ARID1A: variants seen among roughly 807,000 people sequenced by gnomAD.
ARID1A encodes AT-rich interaction domain 1A, also known as AT-rich interactive domain-containing protein 1A.
ARID1A carries 20 observed loss-of-function variants against 212.6 expected under a neutral mutation model. That is an observed-to-expected ratio of 0.09 (90% confidence interval 0.07 to 0.14). The LOEUF (loss-of-function observed/expected upper bound fraction) is 0.14. ARID1A is among the 10% of genes least tolerant of loss of function. The pLI is 1.00. For synonymous variants in ARID1A, 1,376 were observed against 1,222.1 expected (o/e 1.13, Z -2.63); for missense variants, 2,587 against 3,059.0 (o/e 0.85, Z 3.64).
intron 1 of ARID1A, among the ~76,000 whole-genome samples, chr1:26,705,072 G>A (rs566653856): frequency 4.2e-4 from 64 of 152,168 alleles, no homozygotes; most frequent in Middle Eastern, 3.4e-3. Flanking sequence ...CATGTCCAGT[G>A]CCAGGCCACT....
intron 1 of ARID1A, among the ~76,000 whole-genome samples, chr1:26,725,318 A>G (rs1026507749): frequency 9.2e-5 from 14 of 152,122 alleles, no homozygotes; most frequent in Non-Finnish European, 1.8e-4. Context: ...TGATTAGTGA[A>G]TATTTAAGGC....
intron 1 of ARID1A, among the ~76,000 whole-genome samples, chr1:26,710,549 G>T (rs949107167): frequency 7.4e-6 from 1 of 135,070 alleles, no homozygotes; most frequent in Admixed American, 7.4e-5. Context: ...TCCAGCTTGA[G>T]AAGTGGATTA....
intron 18 of ARID1A, 72 bp downstream of exon 18, chr1:26,775,292 C>T (rs1459996081): frequency 1.4e-5 from 21 of 1,504,482 alleles, no homozygotes; most frequent in Non-Finnish European, 1.8e-5. Flanking sequence ...CTCCACCTTA[C>T]TATTCTGGAT....
chr1:26,710,163 C>T (rs1198894737), intron 1 of ARID1A, among the ~76,000 whole-genome samples: 4 of 142,650 alleles, frequency 2.8e-5, no homozygotes, highest in African/African-American at 7.6e-5. Context: ...AGGCCGGGTG[C>T]GGTGGCTCAT....
intron 1 of ARID1A, among the ~76,000 whole-genome samples, chr1:26,710,942 C>G (rs1447977106): frequency 1.3e-5 from 2 of 152,160 alleles, no homozygotes; most frequent in Non-Finnish European, 1.5e-5. Flanking sequence ...GTGGCTTAAA[C>G]AACAAACATT....
chr1:26,780,222 C>T lies in ARID1A; in HGVS notation c.6324C>T (p.Pro2108=), dbSNP rs1172081916. ...EAQDPFSTLG[P]NAVLSPQRLV... Reference sequence around the variant, plus strand: ...AGGACCCCTTTTCCACCCTGGGCCCCAATGCCGTCCTTTCCCCGCAGAGAC... The same window carrying T: ...AGGACCCCTTTTCCACCCTGGGCCCTAATGCCGTCCTTTCCCCGCAGAGAC... The change falls in exon 20 of 20, where the codon CCC becomes CCT. Residue 2108 remains proline, a synonymous_variant. Transcript: ENST00000324856. This position sits in a 1 kb window ranked among gnomAD's most constrained non-coding sequence, Gnocchi z 7.2. The T allele has an allele frequency of 1.9e-6, 3 of 1,614,074 alleles. No individual in the cohort carries two copies. The highest frequency in any genetic ancestry group is 2.5e-6 in the Non-Finnish European group (3 of 1,180,038).
At chr1:26,720,219 C>G (rs868257575) in intron 1 of ARID1A, among the ~76,000 whole-genome samples, 30 of 150,386 alleles carry the variant, frequency 2.0e-4, no homozygotes, top group African/African-American at 6.4e-4. Flanking sequence ...CACTGCACTC[C>G]AGCCTGGTGA....
chr1:26,775,808 C>G (rs751666572), intron 19 of ARID1A, 101 bp downstream of exon 19: 2 of 1,547,212 alleles, frequency 1.3e-6, no homozygotes, highest in African/African-American at 2.7e-5. Flanking sequence ...TTCTCTTTCT[C>G]TCTTGTAGAT....
intron 1 of ARID1A, among the ~76,000 whole-genome samples, chr1:26,724,252 C>A (rs1382558053): frequency 6.6e-6 from 1 of 152,108 alleles, no homozygotes; most frequent in East Asian, 1.9e-4. Context: ...GTCAAGACTT[C>A]TCCTCTCTGA....
At chr1:26,708,003 G>T (rs1455505202) in intron 1 of ARID1A, among the ~76,000 whole-genome samples, 1 of 152,098 alleles carries the variant, frequency 6.6e-6, no homozygotes, top group Non-Finnish European at 1.5e-5. Flanking sequence ...CTCTTAAATG[G>T]GGTGAAAGAC....
In ARID1A at chr1:26,779,526, A is replaced by G. The variant is rs138605055; in HGVS notation, c.5628A>G (p.Pro1876=). 40 of 1,614,118 alleles carry G rather than the reference A, an allele frequency of 2.5e-5. No individual in the cohort carries two copies. Among genetic ancestry groups the G allele is most frequent in the Middle Eastern group, 3.3e-4 (2 of 6,062 alleles). ...LPSRPHAPCP[P]APRKHVTTAE... is the part of the protein sequence containing the mutation. ...CCCGGCCTCACGCACCCTGCCCACC[A>G]GCCCCTCGGAAGCATGTGACAACAG... The change falls in exon 20 of 20, where the codon CCA becomes CCG. Residue 1876 remains proline (P), a synonymous_variant. Transcript: ENST00000324856.
chr1:26,756,859 C>T (rs1347245232), intron 4 of ARID1A, among the ~76,000 whole-genome samples: 2 of 151,800 alleles, frequency 1.3e-5, no homozygotes, highest in Non-Finnish European at 2.9e-5. Flanking sequence ...CCCGTCACCA[C>T]GTCTGGCTAA....
chr1:26,714,382 A>G (rs1435357052), intron 1 of ARID1A, among the ~76,000 whole-genome samples: 1 of 151,886 alleles, frequency 6.6e-6, no homozygotes, highest in Non-Finnish European at 1.5e-5. Context: ...GAGGATTTGG[A>G]TGCATCTATA....
intron 4 of ARID1A, among the ~76,000 whole-genome samples, chr1:26,759,410 G>C (rs377100756): frequency 6.6e-6 from 1 of 151,948 alleles, no homozygotes; most frequent in African/African-American, 2.4e-5. Flanking sequence ...TTTTTGCCAC[G>C]TTGCCCAGGC....
intron 4 of ARID1A, among the ~76,000 whole-genome samples, chr1:26,739,268 G>A (rs2080763943): frequency 6.6e-6 from 1 of 152,208 alleles, no homozygotes; most frequent in Non-Finnish European, 1.5e-5. Flanking sequence ...TAGAGTAATG[G>A]AAAATGGATA....
intron 4 of ARID1A, among the ~76,000 whole-genome samples, chr1:26,753,866 G>A (rs1375979474): frequency 6.6e-6 from 1 of 152,238 alleles, no homozygotes; most frequent in African/African-American, 2.4e-5. Flanking sequence ...GATTGCAGTG[G>A]CGTGATCTCG....
At chr1:26,752,083 C>A (rs981083208) in intron 4 of ARID1A, among the ~76,000 whole-genome samples, 6 of 152,150 alleles carry the variant, frequency 3.9e-5, no homozygotes, top group African/African-American at 1.4e-4. Context: ...TGTTCCAAAC[C>A]ATGGAGGTAG....
chr1:26,731,320 C>T lies in ARID1A; in HGVS notation c.1519C>T (p.Gln507Ter), dbSNP rs2124788702. The stretch of plus-strand genomic sequence containing the variant: ...TTCGTATCAGCAGCAGCCACAGTCT[C>T]AACCACCACAGCTCCAGTCCTCTCA... Reference protein sequence around the residue: ...QPSYQQQPQSQPPQLQSSQPP... With the variant: ...QPSYQQQPQS The change falls in exon 3 of 20, where the codon CAA becomes TAA. Residue 507 changes from glutamine (Q) to a stop codon, truncating the protein, a stop_gained. Transcript: ENST00000324856. LOFTEE classifies it high-confidence loss of function. The T allele has an allele frequency of 6.2e-7, 1 of 1,613,910 alleles. No homozygotes were observed. Among genetic ancestry groups the T allele is most frequent in the Non-Finnish European group, 8.5e-7 (1 of 1,179,984 alleles).
Position 26,696,074 on chromosome 1 carries a change from A to G in ARID1A, c.-330A>G, listed in dbSNP as rs1265176391. 6.1e-6 allele frequency: 3 copies of G among 493,438 alleles called. No homozygotes were observed. Among genetic ancestry groups the G allele is most frequent in the Non-Finnish European group, 8.1e-6 (3 of 372,090 alleles). The allele number at this position is 493,438 out of a possible 1,614,324, so 30.6% of individuals were successfully genotyped here. ...AGCGGGGCCAGGCCCTGGGGAGCGG[A>G]GCCTCCACCGCCCCCCTCATTCCCA... On this transcript the variant is annotated 5_prime_UTR_variant, in exon 1 of 20. Transcript: ENST00000324856.
Sources: allele counts gnomAD v4.1 joint callset (sites outside exome capture counted in the v4.1 genomes callset), GRCh38; gene constraint gnomAD v4.1.1; non-coding constraint Gnocchi (gnomAD v3.1); transcripts MANE v1.5; gene names NCBI Gene and HGNC (gene_info 2026-07-23, HGNC 2026-07-21).